STARD13: variants seen among roughly 807,000 people sequenced by gnomAD.
STARD13 encodes StAR related lipid transfer domain containing 13, also known as stAR-related lipid transfer protein 13.
STARD13 carries 62 observed loss-of-function variants against 106.4 expected under a neutral mutation model. That is an observed-to-expected ratio of 0.58 (90% CI 0.48 to 0.72). The LOEUF (loss-of-function observed/expected upper bound fraction) is 0.72, where lower values mean the gene tolerates loss of function less well. Among genes scored for constraint, STARD13 ranks in the 30% least tolerant of loss-of-function variants. The pLI, the probability that STARD13 is intolerant of heterozygous loss-of-function variation, is 0.00. For missense variants in STARD13, 1,387 were observed against 1,424.0 expected, an observed-to-expected ratio of 0.97 and a Z score of 0.42; for synonymous variants, 565 against 553.0, an observed-to-expected ratio of 1.02 and a Z score of -0.31.
the STARD13 span, among the ~76,000 whole-genome samples, chr13:33,627,965 C>CT: frequency 0.038 from 5,521 of 147,172 alleles, 398 homozygotes; most frequent in African/African-American, 0.13. Flanking sequence ...TCTTTTTTTT[C>CT]TTTCTTTTTT....
At chr13:33,517,290 C>A in the STARD13 span, among the ~76,000 whole-genome samples, 1,339 of 152,188 alleles carry the variant, frequency 8.8e-3, 19 homozygotes, top group African/African-American at 0.03. Flanking sequence ...GTTTTGCCTA[C>A]CTCTACCTCA....
chr13:33,569,284 G>A, the STARD13 span, among the ~76,000 whole-genome samples: 2 of 147,820 alleles, frequency 1.4e-5, 1 homozygote, highest in Non-Finnish European at 3.0e-5. Flanking sequence ...ATGTAGATTG[G>A]TTGAATACTT....
chr13:33,202,046 G>A (rs797192), intron 1 of STARD13, among the ~76,000 whole-genome samples: 93,265 of 151,944 alleles, frequency 0.61, 31,334 homozygotes, highest in African/African-American at 0.9. Flanking sequence ...CGTTAGGATA[G>A]TTTCCTAGGA....
rs1875030401 is a variant in STARD13 at position 33,114,205 on chromosome 13, G to A, written c.2282-1274C>T. Among the ~76,000 whole-genome samples the A allele has an allele frequency of 2.6e-5, 4 of 152,196 alleles. No homozygotes were observed. The South Asian group carries it at 8.3e-4, about 32-fold the overall frequency. ...ATTCAGATATTTGCTACTGGCAGGAGTGCATGATAAAAACAAACTCAGAGC... is the reference window on the plus strand; with the variant it reads ...ATTCAGATATTTGCTACTGGCAGGAATGCATGATAAAAACAAACTCAGAGC... On this transcript the variant is annotated intron_variant, in intron 8 of 13. Transcript: ENST00000336934.
At chr13:33,628,590 A>C in the STARD13 span, among the ~76,000 whole-genome samples, 1 of 152,204 alleles carries the variant, frequency 6.6e-6, no homozygotes, top group Non-Finnish European at 1.5e-5. Context: ...CCTTAGAGAA[A>C]TCAAATCTCT....
chr13:33,300,690 A>C (rs1025469163), intron 1 of STARD13, among the ~76,000 whole-genome samples: 8 of 152,170 alleles, frequency 5.3e-5, no homozygotes, highest in African/African-American at 1.7e-4. Flanking sequence ...TTTGCCTTCT[A>C]TTTGTTTAGT....
the STARD13 span, among the ~76,000 whole-genome samples, chr13:33,370,619 C>CTTTTTTTTTTTTTTTTT: frequency 7.6e-6 from 1 of 131,618 alleles, no homozygotes; most frequent in Non-Finnish European, 1.6e-5. Context: ...TTCTTTCTTT[C>CTTTTTTTTTTTTTTTTT]TTTTTTTTTT....
At chr13:33,652,309 T>C in the STARD13 span, among the ~76,000 whole-genome samples, 2 of 152,236 alleles carry the variant, frequency 1.3e-5, no homozygotes, top group Non-Finnish European at 2.9e-5. Flanking sequence ...GGAATTTTGA[T>C]AATTTAACTT....
intron 1 of STARD13, among the ~76,000 whole-genome samples, chr13:33,240,996 T>G (rs1889458939): frequency 6.6e-6 from 1 of 152,206 alleles, no homozygotes; most frequent in South Asian, 2.1e-4. Flanking sequence ...ACATATAAGA[T>G]CATGTCATCT....
intron 7 of STARD13, among the ~76,000 whole-genome samples, chr13:33,125,036 C>T (rs140577750): frequency 2.3e-3 from 351 of 152,316 alleles, no homozygotes; most frequent in African/African-American, 7.9e-3. Context: ...CAGTCAAAGA[C>T]AACTTCAAAT....
chr13:33,605,811 T>C, the STARD13 span, among the ~76,000 whole-genome samples: 4,306 of 152,342 alleles, frequency 0.028, 84 homozygotes, highest in Non-Finnish European at 0.043. Flanking sequence ...GCCATAGTTC[T>C]ACTTCGGTAG....
chr13:33,137,338 C>T (rs767565925), intron 4 of STARD13, among the ~76,000 whole-genome samples: 11 of 152,232 alleles, frequency 7.2e-5, no homozygotes, highest in African/African-American at 1.9e-4. Flanking sequence ...CATAAGGTCT[C>T]TCTCTCTCAC....
At chr13:33,367,393 C>T in the STARD13 span, among the ~76,000 whole-genome samples, 1 of 152,092 alleles carries the variant, frequency 6.6e-6, no homozygotes, top group Non-Finnish European at 1.5e-5. Context: ...ATGACACATA[C>T]AAGCTGGCTT....
At chr13:33,621,493 T>C in the STARD13 span, among the ~76,000 whole-genome samples, 10 of 151,656 alleles carry the variant, frequency 6.6e-5, no homozygotes, top group South Asian at 6.3e-4. Context: ...CTGGCTAACA[T>C]GGTGAAACCC....
intron 1 of STARD13, among the ~76,000 whole-genome samples, chr13:33,308,520 C>CTTTCTTTTTTTTT (rs1893003354): frequency 3.4e-5 from 3 of 88,556 alleles, no homozygotes; most frequent in Non-Finnish European, 6.4e-5. Context: ...CTTTTTCTTT[C>CTTTCTTTTTTTTT]TTTTTTTTTT....
At chr13:33,285,809 C>T (rs1819840667), upstream of STARD13, 3 of 1,397,856 alleles carry the variant, frequency 2.1e-6, no homozygotes, top group Non-Finnish European at 2.8e-6. Context: ...CCCCGGGGCC[C>T]TCACGTGACC....
At chr13:33,122,557 A>G (rs1450010244) in intron 7 of STARD13, among the ~76,000 whole-genome samples, 3 of 152,228 alleles carry the variant, frequency 2.0e-5, no homozygotes, top group African/African-American at 7.2e-5. Context: ...TCCTGCTGTC[A>G]TCTACTGTTA....
chr13:33,650,854 T>C, the STARD13 span, among the ~76,000 whole-genome samples: 1 of 152,276 alleles, frequency 6.6e-6, no homozygotes, highest in East Asian at 1.9e-4. Context: ...CTTTCTACCA[T>C]GTGAGGACAC....
At chr13:33,627,499 C>A in the STARD13 span, among the ~76,000 whole-genome samples, 2 of 151,868 alleles carry the variant, frequency 1.3e-5, no homozygotes, top group Non-Finnish European at 2.9e-5. Context: ...TGGCCGAGTG[C>A]GGTGGCGGGC....
Sources: allele counts gnomAD v4.1 joint callset (sites outside exome capture counted in the v4.1 genomes callset), GRCh38; gene constraint gnomAD v4.1.1; transcripts MANE v1.5; gene names NCBI Gene and HGNC (gene_info 2026-07-23, HGNC 2026-07-21).